The following LRRC8D variants were observed in gnomAD, a reference collection of about 807,000 sequenced individuals.
LRRC8D encodes the protein volume-regulated anion channel subunit LRRC8D.
A neutral mutation model predicts 55.8 loss-of-function variants in LRRC8D; 20 were observed. That is an observed-to-expected ratio of 0.36 (90% CI 0.25 to 0.52). The LOEUF is 0.52. Ranked by LOEUF, LRRC8D falls within the 20% of genes least tolerant of loss-of-function variation. The probability of loss-of-function intolerance (pLI) is 0.93; values close to 1 mark genes in which losing one functional copy is unlikely to be tolerated. For synonymous variants in LRRC8D, 352 were observed against 377.0 expected (o/e 0.93, Z 0.77); for missense variants, 651 against 1,030.8 (o/e 0.63, Z 5.05).
chr1:89,832,816 A>G (rs2100713765), intron 1 of LRRC8D, among the ~76,000 whole-genome samples: 1 of 152,380 alleles, frequency 6.6e-6, no homozygotes, highest in South Asian at 2.1e-4. Flanking sequence ...ATACACTTAA[A>G]AAAGAATCCA....
chr1:89,866,369 C>T (rs918784480), intron 2 of LRRC8D, among the ~76,000 whole-genome samples: 1 of 152,122 alleles, frequency 6.6e-6, no homozygotes. Flanking sequence ...GGGGGTCATT[C>T]GGATGGTCCA....
chr1:89,920,697 G>GAAA (rs555845776), intron 2 of LRRC8D, among the ~76,000 whole-genome samples: 2 of 113,220 alleles, frequency 1.8e-5, no homozygotes, highest in African/African-American at 3.1e-5. Context: ...GGCCTATTGG[G>GAAA]AAAAAAAAAA....
At chr1:89,838,080 C>T (rs146645408) in intron 1 of LRRC8D, among the ~76,000 whole-genome samples, 61 of 152,068 alleles carry the variant, frequency 4.0e-4, no homozygotes, top group African/African-American at 1.4e-3. Context: ...ATTGCCCAGG[C>T]CAGGCGTGGT....
intron 2 of LRRC8D, among the ~76,000 whole-genome samples, chr1:89,927,223 G>T (rs1274999393): frequency 6.6e-6 from 1 of 152,260 alleles, no homozygotes; most frequent in South Asian, 2.1e-4. Context: ...TTGGGACGGG[G>T]CGGAGGCGCA....
chr1:89,830,884 G>A (rs1313877897), intron 1 of LRRC8D, among the ~76,000 whole-genome samples: 1 of 149,950 alleles, frequency 6.7e-6, no homozygotes, highest in African/African-American at 2.5e-5. Context: ...CATAGGGTTT[G>A]AATAAAAAGC....
chr1:89,924,110 A>G (rs1404401730), intron 2 of LRRC8D, among the ~76,000 whole-genome samples: 1 of 152,248 alleles, frequency 6.6e-6, no homozygotes, highest in Non-Finnish European at 1.5e-5. Context: ...GCTTCTGCAC[A>G]GCAAATTAAA....
intron 2 of LRRC8D, among the ~76,000 whole-genome samples, chr1:89,905,044 A>C (rs904747941): frequency 6.7e-6 from 1 of 149,890 alleles, no homozygotes; most frequent in African/African-American, 2.4e-5. Context: ...GATAGTTTAA[A>C]ATAGTTGGTT....
intron 2 of LRRC8D, among the ~76,000 whole-genome samples, chr1:89,858,965 C>T (rs902309930): frequency 6.6e-6 from 1 of 152,076 alleles, no homozygotes; most frequent in Non-Finnish European, 1.5e-5. Flanking sequence ...AAAAAGAATT[C>T]ATTCACAATA....
intron 2 of LRRC8D, among the ~76,000 whole-genome samples, chr1:89,929,455 G>T (rs1185163775): frequency 6.6e-6 from 1 of 152,174 alleles, no homozygotes; most frequent in Admixed American, 6.5e-5. Flanking sequence ...ATGGAAAAGG[G>T]ATTAAAGGAG....
Position 89,935,678 on chromosome 1 carries a change from A to G in LRRC8D, c.*33A>G, listed in dbSNP as rs1663834984. ...TAATATATGCACAGTGATGTGCAGGAACAACTTCCTAGATTGCAAGTGCTC... is the reference window on the plus strand; with the variant it reads ...TAATATATGCACAGTGATGTGCAGGGACAACTTCCTAGATTGCAAGTGCTC... On this transcript the variant is annotated 3_prime_UTR_variant, in exon 3 of 3. Coordinates refer to ENST00000337338, the MANE Select transcript of LRRC8D (RefSeq NM_001134479.2). The G allele has an allele frequency of 1.3e-6, 2 of 1,570,904 alleles. No individual in the cohort carries two copies. Among genetic ancestry groups the G allele is most frequent in the Non-Finnish European group, 1.7e-6 (2 of 1,146,676 alleles).
chr1:89,927,206 A>C (rs1185202587), intron 2 of LRRC8D, among the ~76,000 whole-genome samples: 1 of 152,242 alleles, frequency 6.6e-6, no homozygotes, highest in African/African-American at 2.4e-5. Flanking sequence ...GCCAGCCGGG[A>C]TGTGCCTTGG....
chr1:89,825,775 G>A (rs1272431937), intron 1 of LRRC8D, among the ~76,000 whole-genome samples: 1 of 152,344 alleles, frequency 6.6e-6, no homozygotes, highest in South Asian at 2.1e-4. Context: ...GAAGCTGGCA[G>A]GTAAGAAATC....
At chr1:89,897,328 CAG>C (rs1387194673) in intron 2 of LRRC8D, among the ~76,000 whole-genome samples, 1 of 152,160 alleles carries the variant, frequency 6.6e-6, no homozygotes, top group African/African-American at 2.4e-5. Flanking sequence ...TAAGGGAACA[CAG>C]TATTTTAATC....
At chr1:89,828,539 T>G (rs1465368083) in intron 1 of LRRC8D, among the ~76,000 whole-genome samples, 1 of 152,246 alleles carries the variant, frequency 6.6e-6, no homozygotes, top group Non-Finnish European at 1.5e-5. Flanking sequence ...TATGAAAGGA[T>G]GATGATGGTT....
intron 2 of LRRC8D, chr1:89,929,668 TTTC>T (rs1663650729): frequency 6.6e-6 from 1 of 152,218 alleles, no homozygotes; most frequent in Non-Finnish European, 1.5e-5. Context: ...TGTTAGGCAA[TTTC>T]ATTGTTGTGT....
intron 2 of LRRC8D, among the ~76,000 whole-genome samples, chr1:89,888,970 C>A (rs545805120): frequency 6.6e-6 from 1 of 152,308 alleles, no homozygotes; most frequent in South Asian, 2.1e-4. Context: ...GTATTCCACT[C>A]TCAAAGAAGT....
At chr1:89,832,294 T>C (rs1387178193) in intron 1 of LRRC8D, among the ~76,000 whole-genome samples, 1 of 152,248 alleles carries the variant, frequency 6.6e-6, no homozygotes, top group Non-Finnish European at 1.5e-5. Flanking sequence ...GAGAGGATTT[T>C]TAAAAGCATT....
intron 2 of LRRC8D, among the ~76,000 whole-genome samples, chr1:89,889,756 G>A (rs545466085): frequency 4.6e-5 from 7 of 152,012 alleles, no homozygotes; most frequent in South Asian, 4.2e-4. Context: ...TTTGGTGAGC[G>A]CCTGTGGTCC....
chr1:89,907,380 G>A (rs1202155663), intron 2 of LRRC8D, among the ~76,000 whole-genome samples: 3 of 151,862 alleles, frequency 2.0e-5, no homozygotes, highest in East Asian at 1.9e-4. Context: ...TAGTAGAGAC[G>A]GGGTTTTGCC....
Sources: allele counts gnomAD v4.1 joint callset (sites outside exome capture counted in the v4.1 genomes callset), GRCh38; gene constraint gnomAD v4.1.1; transcripts MANE v1.5; gene names NCBI Gene and HGNC (gene_info 2026-07-23, HGNC 2026-07-21).